The following PARVB variants were observed in gnomAD, a reference collection of about 807,000 sequenced individuals.
PARVB encodes the protein beta-parvin.
Under a neutral mutation model 47.0 loss-of-function variants are expected in PARVB, and 46 were observed. The ratio of observed to expected loss-of-function variants is 0.98; its 90% confidence interval spans 0.77 to 1.25. PARVB has a LOEUF of 1.25. Among genes scored for constraint, PARVB ranks in the 50% most tolerant of loss-of-function variants. The pLI, the probability that PARVB is intolerant of heterozygous loss-of-function variation, is 0.00. For missense variants in PARVB, 473 were observed against 471.6 expected, an observed-to-expected ratio of 1.00 and a Z score of -0.03; for synonymous variants, 196 against 196.3, an observed-to-expected ratio of 1.00 and a Z score of 0.01.
chr22:44,131,892 GA>G (rs2053334334), intron 5 of PARVB, among the ~76,000 whole-genome samples: 1 of 152,192 alleles, frequency 6.6e-6, no homozygotes, highest in Non-Finnish European at 1.5e-5. Context: ...AATGTTTATG[GA>G]TGGGTGGATC....
intron 11 of PARVB, among the ~76,000 whole-genome samples, chr22:44,159,397 G>A (rs2054005006): frequency 6.6e-6 from 1 of 152,158 alleles, no homozygotes; most frequent in Non-Finnish European, 1.5e-5. Context: ...TCTTCCCTTT[G>A]AAACTGGGAT....
chr22:44,063,458 C>T lies in PARVB; in HGVS notation c.113-30470C>T, dbSNP rs76330778. The stretch of plus-strand genomic sequence containing the variant: ...GCCAGGCTGGTCTCAAACTCCTGAC[C>T]TCAGGTGATCCACCTGTCTTGGCCT... On this transcript the variant is annotated intron_variant, in intron 1 of 12. Transcript: ENST00000338758. 4.2e-3 allele frequency among the ~76,000 whole-genome samples: 637 copies of T among 152,238 alleles called. 11 individuals carry two copies. The highest frequency in any genetic ancestry group is 0.027 in the Admixed American group (414 of 15,296).
At chr22:44,086,828 TG>T (rs1486246398) in intron 1 of PARVB, 1 of 985,308 alleles carries the variant, frequency 1.0e-6, no homozygotes, top group African/African-American at 1.7e-5. Context: ...TGAGTACGGA[TG>T]GAAGTTGGAA....
At chr22:44,004,193 G>T (rs1257376515) in intron 2 of PARVB, among the ~76,000 whole-genome samples, 1 of 152,226 alleles carries the variant, frequency 6.6e-6, no homozygotes, top group East Asian at 1.9e-4. Flanking sequence ...AAGTAGCAGA[G>T]CCATGGGCAC....
At chr22:44,004,142 A>C (rs1324759293) in intron 2 of PARVB, among the ~76,000 whole-genome samples, 1 of 152,212 alleles carries the variant, frequency 6.6e-6, no homozygotes, top group Admixed American at 6.5e-5. Flanking sequence ...AGAAAAAAAC[A>C]ATCAAACTAG....
intron 2 of PARVB, among the ~76,000 whole-genome samples, chr22:44,013,918 C>A (rs1277038905): frequency 2.6e-5 from 4 of 152,192 alleles, no homozygotes; most frequent in African/African-American, 9.6e-5. Flanking sequence ...CAGGTGTAAG[C>A]CACCATGCCT....
At chr22:44,101,389 G>A (rs752525797) in intron 3 of PARVB, among the ~76,000 whole-genome samples, 45 of 147,454 alleles carry the variant, frequency 3.1e-4, no homozygotes, top group Non-Finnish European at 5.2e-4. Flanking sequence ...CAACCTGGGC[G>A]ACAGCGAGGC....
chr22:44,029,697 G>A (rs1438704528), intron 1 of PARVB, among the ~76,000 whole-genome samples: 1 of 152,086 alleles, frequency 6.6e-6, no homozygotes, highest in East Asian at 1.9e-4. Flanking sequence ...ATCACCTGAG[G>A]TCAGGAGTTT....
At chr22:44,090,126 G>A (rs541816900) in intron 1 of PARVB, among the ~76,000 whole-genome samples, 1 of 152,312 alleles carries the variant, frequency 6.6e-6, no homozygotes, top group South Asian at 2.1e-4. Flanking sequence ...GGAAGTTCCT[G>A]TGAGGCCGGT....
rs763411675 is a variant in PARVB, at chr22:44,028,513, C to T, written c.112+4062C>T. ...TTCCTTTTTTGACTGAATAATATTC[C>T]GTTGTCTGGATGTGCCAGTTTGTTG... On this transcript the variant is annotated intron_variant, in intron 1 of 12. Transcript: ENST00000338758. Among the ~76,000 whole-genome samples, 12 of 152,180 alleles carry T rather than the reference C, an allele frequency of 7.9e-5. No individual in the cohort carries two copies. In the South Asian group the frequency reaches 8.3e-4, roughly 11 times the overall value.
intron 11 of PARVB, among the ~76,000 whole-genome samples, chr22:44,161,555 A>G (rs1056652828): frequency 4.6e-5 from 7 of 150,802 alleles, no homozygotes; most frequent in Non-Finnish European, 1.0e-4. Flanking sequence ...CTCATGATCC[A>G]CCCGCCTCAG....
intron 7 of PARVB, chr22:44,139,861 G>C: frequency 2.0e-6 from 1 of 510,106 alleles, no homozygotes; most frequent in Non-Finnish European, 3.5e-6. Context: ...AACATTACCA[G>C]GGTGGTTAAT....
At chr22:44,051,152 G>T (rs917883535) in intron 1 of PARVB, among the ~76,000 whole-genome samples, 2 of 152,224 alleles carry the variant, frequency 1.3e-5, no homozygotes, top group Non-Finnish European at 2.9e-5. Flanking sequence ...TTAGGCAGCC[G>T]TAAAAATCCT....
chr22:44,130,147 G>A (rs1292298361), intron 4 of PARVB, among the ~76,000 whole-genome samples: 1 of 152,250 alleles, frequency 6.6e-6, no homozygotes, highest in Non-Finnish European at 1.5e-5. Flanking sequence ...GCCTGGACTT[G>A]ATTGCTTTCA....
chr22:44,072,091 A>G (rs1418238994), intron 1 of PARVB, among the ~76,000 whole-genome samples: 1 of 152,178 alleles, frequency 6.6e-6, no homozygotes, highest in Non-Finnish European at 1.5e-5. Context: ...GGTGGAAAGG[A>G]CTTTGTAATT....
rs1227491684 is a variant in PARVB at position 44,136,511 on chromosome 22, A to G, written c.685A>G (p.Thr229Ala). ...SSHISEELTTTTEMMMGRFER... is the reference protein window; with the variant it reads ...SSHISEELTTATEMMMGRFER... ...CCACATCTCGGAGGAGCTGACCACA[A>G]CTACAGAGTAAGTGGACCCCTGTCT... Residue 229 changes from threonine to alanine, a missense_variant, in exon 7 of 13, where the codon ACT becomes GCT. Thr to Ala is a moderately conservative substitution (Grantham distance 58). Coordinates refer to ENST00000338758, the MANE Select transcript of PARVB (RefSeq NM_013327.5). The G allele has an allele frequency of 1.9e-6, 3 of 1,613,396 alleles. No homozygotes were observed. Among genetic ancestry groups the G allele is most frequent in the South Asian group, 1.1e-5 (1 of 91,032 alleles).
chr22:44,144,942 CG>C (rs1316529041), intron 8 of PARVB: 1 of 151,204 alleles, frequency 6.6e-6, no homozygotes, highest in African/African-American at 2.4e-5. Flanking sequence ...GTTGGCCCCC[CG>C]TCTGGCTTCG....
intron 3 of PARVB, among the ~76,000 whole-genome samples, chr22:44,101,663 G>A (rs1198233045): frequency 1.3e-5 from 2 of 150,536 alleles, no homozygotes; most frequent in African/African-American, 4.9e-5. Context: ...AGGCAGAATT[G>A]CTTGAACCTG....
chr22:44,063,070 C>T (rs956719825), intron 1 of PARVB, among the ~76,000 whole-genome samples: 16 of 151,866 alleles, frequency 1.1e-4, no homozygotes, highest in African/African-American at 3.9e-4. Flanking sequence ...CTTTTATCTC[C>T]CTGGAAATTC....
Sources: allele counts gnomAD v4.1 joint callset (sites outside exome capture counted in the v4.1 genomes callset), GRCh38; gene constraint gnomAD v4.1.1; transcripts MANE v1.5; gene names NCBI Gene and HGNC (gene_info 2026-07-23, HGNC 2026-07-21).